Variants in NAALADL2 observed in about 807,000 individuals in gnomAD.
NAALADL2 encodes inactive N-acetylated-alpha-linked acidic dipeptidase-like protein 2.
In NAALADL2, 76 loss-of-function variants were observed where a neutral mutation model predicts 87.2. That is an observed-to-expected ratio of 0.87 (90% CI 0.72 to 1.05). The LOEUF (loss-of-function observed/expected upper bound fraction) is 1.05, where lower values mean the gene tolerates loss of function less well. Among genes scored for constraint, NAALADL2 ranks in the 50% least tolerant of loss-of-function variants. The probability of loss-of-function intolerance (pLI) is 0.00; values close to 1 mark genes in which losing one functional copy is unlikely to be tolerated. For synonymous variants in NAALADL2, 354 were observed against 331.0 expected (o/e 1.07, Z -0.75); for missense variants, 1,089 against 945.8 (o/e 1.15, Z -1.99).
rs1003501883 is a variant in NAALADL2, at chr3:174,896,412, A to G, written c.43+36962A>G. On this transcript the variant is annotated intron_variant, in intron 1 of 13. Coordinates refer to ENST00000454872, the MANE Select transcript of NAALADL2 (RefSeq NM_207015.3). ...TGTTAAAAAGAAATAAAAAGGTAATACCATTTACAATAGCCACACATAAAG... is the reference window on the plus strand; with the variant it reads ...TGTTAAAAAGAAATAAAAAGGTAATGCCATTTACAATAGCCACACATAAAG... Among the ~76,000 whole-genome samples, 5 of 152,144 alleles carry G rather than the reference A, an allele frequency of 3.3e-5. No individual in the cohort carries two copies. In the East Asian group the frequency reaches 5.8e-4, roughly 18 times the overall value.
At chr3:175,271,507 C>A (rs1222222661) in intron 4 of NAALADL2, among the ~76,000 whole-genome samples, 1 of 152,096 alleles carries the variant, frequency 6.6e-6, no homozygotes, top group Non-Finnish European at 1.5e-5. Flanking sequence ...AAAATAGGCA[C>A]TTAGGCCGGT....
At chr3:175,302,499 C>T (rs974119030) in intron 4 of NAALADL2, among the ~76,000 whole-genome samples, 6 of 152,030 alleles carry the variant, frequency 3.9e-5, no homozygotes, top group Admixed American at 2.0e-4. Flanking sequence ...ATGCTTTCTT[C>T]GAGGAAATGC....
intron 2 of NAALADL2, among the ~76,000 whole-genome samples, chr3:174,604,225 A>C: frequency 6.6e-6 from 1 of 152,226 alleles, no homozygotes; most frequent in African/African-American, 2.4e-5. Context: ...AATAATATTT[A>C]CTTTATATAT....
At chr3:174,627,792 A>G (rs1721723744) in intron 2 of NAALADL2, among the ~76,000 whole-genome samples, 1 of 152,218 alleles carries the variant, frequency 6.6e-6, no homozygotes, top group African/African-American at 2.4e-5. Flanking sequence ...CTTTTGGAGC[A>G]ACATGGATGG....
chr3:175,656,495 C>T (rs1731481034), intron 11 of NAALADL2, among the ~76,000 whole-genome samples: 1 of 152,122 alleles, frequency 6.6e-6, no homozygotes. Context: ...TCTAATCTCT[C>T]AATTCAAAAG....
chr3:174,598,006 T>C (rs779608747), intron 2 of NAALADL2, among the ~76,000 whole-genome samples: 2 of 152,228 alleles, frequency 1.3e-5, no homozygotes, highest in Non-Finnish European at 2.9e-5. Flanking sequence ...ATAAGTTCTT[T>C]GAGTTATAAT....
chr3:175,011,934 A>G (rs901240672), intron 1 of NAALADL2, among the ~76,000 whole-genome samples: 1 of 152,172 alleles, frequency 6.6e-6, no homozygotes, highest in Admixed American at 6.6e-5. Context: ...CAAAAACTGT[A>G]AAAAGCTATC....
chr3:175,765,572 G>T (rs763259761), intron 13 of NAALADL2, among the ~76,000 whole-genome samples: 7 of 152,068 alleles, frequency 4.6e-5, no homozygotes, highest in African/African-American at 1.4e-4. Flanking sequence ...TATCAAAATA[G>T]AAATACTTGT....
intron 4 of NAALADL2, among the ~76,000 whole-genome samples, chr3:175,274,984 G>T (rs983519794): frequency 1.3e-5 from 2 of 152,144 alleles, no homozygotes; most frequent in Non-Finnish European, 2.9e-5. Flanking sequence ...ATTCTAAGAG[G>T]TATAATGTGA....
intron 2 of NAALADL2, among the ~76,000 whole-genome samples, chr3:175,164,398 C>T (rs1733688601): frequency 6.6e-6 from 1 of 151,748 alleles, no homozygotes. Flanking sequence ...TATTCTCTTC[C>T]CATTCTTTCC....
intron 5 of NAALADL2, among the ~76,000 whole-genome samples, chr3:175,414,143 G>A (rs1189115261): frequency 6.6e-6 from 1 of 152,188 alleles, no homozygotes; most frequent in Non-Finnish European, 1.5e-5. Context: ...ACTTGTGTTT[G>A]CTTTGTGGGA....
At chr3:175,480,940 G>A (rs367577158) in intron 9 of NAALADL2, among the ~76,000 whole-genome samples, 37 of 151,776 alleles carry the variant, frequency 2.4e-4, no homozygotes, top group South Asian at 1.2e-3. Context: ...ACTATACATG[G>A]GCAAAAAGAA....
intron 4 of NAALADL2, among the ~76,000 whole-genome samples, chr3:175,284,119 A>G (rs1754676857): frequency 6.6e-6 from 1 of 151,920 alleles, no homozygotes; most frequent in Non-Finnish European, 1.5e-5. Context: ...TTATAAGTAA[A>G]TGGAACTGGA....
intron 5 of NAALADL2, among the ~76,000 whole-genome samples, chr3:175,403,024 C>G (rs2149065337): frequency 6.6e-6 from 1 of 152,212 alleles, no homozygotes; most frequent in African/African-American, 2.4e-5. Flanking sequence ...ACCGCGCATG[C>G]CAGTTTCTGG....
intron 1 of NAALADL2, among the ~76,000 whole-genome samples, chr3:174,441,213 G>A (rs1425085694): frequency 6.6e-6 from 1 of 151,884 alleles, no homozygotes; most frequent in Non-Finnish European, 1.5e-5. Context: ...GTGAAGTACG[G>A]GGGCCGAGGG....
At chr3:175,043,331 C>A (rs1466865837) in intron 1 of NAALADL2, among the ~76,000 whole-genome samples, 3 of 152,052 alleles carry the variant, frequency 2.0e-5, no homozygotes, top group Non-Finnish European at 4.4e-5. Flanking sequence ...CTCTGCCTCC[C>A]GGTTTTAAGT....
chr3:175,248,549 A>G (rs1748436334), intron 3 of NAALADL2, among the ~76,000 whole-genome samples: 1 of 151,918 alleles, frequency 6.6e-6, no homozygotes, highest in Admixed American at 6.6e-5. Flanking sequence ...TCTCTCCATT[A>G]AGTGATTTAT....
At chr3:175,335,575 ATTT>A (rs1299141255) in intron 5 of NAALADL2, among the ~76,000 whole-genome samples, 1 of 152,208 alleles carries the variant, frequency 6.6e-6, no homozygotes, top group Non-Finnish European at 1.5e-5. Flanking sequence ...AATATTTTCT[ATTT>A]TTAGAATTCT....
chr3:174,505,728 A>G (rs1163021047), intron 1 of NAALADL2, among the ~76,000 whole-genome samples: 1 of 152,148 alleles, frequency 6.6e-6, no homozygotes, highest in East Asian at 1.9e-4. Flanking sequence ...ATCATCATAG[A>G]TTGTACTTTA....
Sources: gnomAD v4.1 joint callset for allele counts (sites outside exome capture counted in the v4.1 genomes callset) on GRCh38, gnomAD v4.1.1 for gene constraint, MANE v1.5 for transcripts, NCBI Gene and HGNC (gene_info 2026-07-23, HGNC 2026-07-21) for gene names.